Variants in BAD observed in about 807,000 individuals in gnomAD.
BAD encodes BCL2 associated agonist of cell death, also known as bcl2-associated agonist of cell death.
BAD carries 18 observed loss-of-function variants against 17.8 expected under a neutral mutation model. The ratio of observed to expected loss-of-function variants is 1.01; its 90% confidence interval spans 0.70 to 1.50. The LOEUF (loss-of-function observed/expected upper bound fraction) is 1.50, where lower values mean the gene tolerates loss of function less well. BAD is among the 40% of genes most tolerant of loss of function. The pLI, the probability that BAD is intolerant of heterozygous loss-of-function variation, is 0.00. For missense variants in BAD, 294 were observed against 239.3 expected, an observed-to-expected ratio of 1.23 and a Z score of -1.51; for synonymous variants, 112 against 91.5, an observed-to-expected ratio of 1.22 and a Z score of -1.28.
In BAD at chr11:64,277,054, G is replaced by A; in HGVS notation, c.188-5251C>T. On this transcript the variant is annotated intron_variant, in intron 2 of 3. Transcript: ENST00000309032. ...AATACGAAGTTCTCCCTGTTTTATA[G>A]ATGAGGAAACAGAGGCACACTTAAT... 4.2e-6 allele frequency: 3 copies of A among 709,600 alleles called. 1 individual carries two copies. Among genetic ancestry groups the A allele is most frequent in the Middle Eastern group, 4.6e-4 (2 of 4,336 alleles). 44.0% of individuals were successfully genotyped at this position (709,600 alleles called of 1,614,324 possible). A position where few individuals can be genotyped will look rare whatever the true frequency, so the allele number is the denominator to read the frequency against.
chr11:64,273,505 C>T (rs188874162), intron 2 of BAD, among the ~76,000 whole-genome samples: 3 of 152,254 alleles, frequency 2.0e-5, no homozygotes, highest in Admixed American at 1.3e-4. Flanking sequence ...CAACTCCTGC[C>T]AACTCCACTC....
intron 2 of BAD, among the ~76,000 whole-genome samples, chr11:64,280,777 C>T (rs1197383444): frequency 6.6e-6 from 1 of 151,610 alleles, no homozygotes; most frequent in African/African-American, 2.4e-5. Flanking sequence ...AAGTGATTCT[C>T]CTGCCTCAGC....
chr11:64,278,954 G>A (rs2033246938), intron 2 of BAD, among the ~76,000 whole-genome samples: 1 of 152,170 alleles, frequency 6.6e-6, no homozygotes, highest in African/African-American at 2.4e-5. Flanking sequence ...AAATCAAAAG[G>A]TTAAGAAATC....
rs1028432318 is a variant in BAD, at chr11:64,284,620, A to T, written c.-9+11T>A. On this transcript the variant is annotated intron_variant, in intron 1 of 3. Coordinates refer to ENST00000309032, the MANE Select transcript of BAD (RefSeq NM_032989.3). ...CCCGCCCCGCCCGTGGTGACGGCGC[A>T]CAGGTCTCACCCCAAGCCCGATCTC... The T allele has an allele frequency of 6.6e-7, 1 of 1,511,972 alleles. No homozygotes were observed. Among genetic ancestry groups the T allele is most frequent in the African/African-American group, 1.4e-5 (1 of 72,042 alleles). 93.7% of individuals were successfully genotyped at this position (1,511,972 alleles called of 1,614,324 possible). A position where few individuals can be genotyped will look rare whatever the true frequency, so the allele number is the denominator to read the frequency against.
At chr11:64,274,965 T>C (rs2032941828) in intron 2 of BAD, among the ~76,000 whole-genome samples, 3 of 121,352 alleles carry the variant, frequency 2.5e-5, no homozygotes, top group Admixed American at 2.1e-4. Flanking sequence ...AGTCTGGCAG[T>C]CTGGGAGACA....
At chr11:64,284,598 G>C in intron 1 of BAD, 33 bp downstream of exon 1, 1 of 1,498,830 alleles carries the variant, frequency 6.7e-7, no homozygotes. Flanking sequence ...CCCAGGCCCC[G>C]CCCCGCCCGT....
In BAD at chr11:64,269,867, G is replaced by A. The variant is rs1017895674; in HGVS notation, c.*342C>T. On this transcript the variant is annotated 3_prime_UTR_variant, in exon 4 of 4. Transcript: ENST00000309032. ...GCGGGCTTTATTAACATTTGGTAGT[G>A]AGCACGGCCCCCAGGGCATCGCGGG... 3 of 698,412 alleles carry A rather than the reference G, an allele frequency of 4.3e-6. No individual in the cohort carries two copies. In the African/African-American group the frequency reaches 5.2e-5, roughly 12 times the overall value. The allele number at this position is 698,412 out of a possible 1,614,324, so 43.3% of individuals were successfully genotyped here.
intron 2 of BAD, among the ~76,000 whole-genome samples, chr11:64,280,542 G>A (rs1254159359): frequency 3.4e-5 from 5 of 149,000 alleles, no homozygotes; most frequent in Non-Finnish European, 6.0e-5. Context: ...TAGTAGAGAC[G>A]GGGTTTCACC....
At position 64,279,598 on chromosome 11, in the gene BAD, T is replaced by A. The variant is rs1416124918; in HGVS notation, c.187+4584A>T. On this transcript the variant is annotated intron_variant, in intron 2 of 3. Transcript: ENST00000309032. The stretch of plus-strand genomic sequence containing the variant: ...TGGCCAACATGGTGAAACCCCCGTC[T>A]CCACTAAAAACACAAAAATTAGCTG... 4.0e-5 allele frequency among the ~76,000 whole-genome samples: 6 copies of A among 150,226 alleles called. No homozygotes were observed. In the East Asian group the frequency reaches 1.2e-3, roughly 30 times the overall value.
chr11:64,275,296 G>T (rs1390707668), intron 2 of BAD, among the ~76,000 whole-genome samples: 1 of 152,210 alleles, frequency 6.6e-6, no homozygotes, highest in Non-Finnish European at 1.5e-5. Flanking sequence ...GCCGGGAACA[G>T]AAGGGGCACT....
In BAD at chr11:64,269,887, C is replaced by CG; in HGVS notation, c.*321dup. The CG allele has an allele frequency of 1.4e-6, 1 of 698,956 alleles. No individual in the cohort carries two copies. Among genetic ancestry groups the CG allele is most frequent in the Non-Finnish European group, 2.6e-6 (1 of 384,600 alleles). 43.3% of individuals were successfully genotyped at this position (698,956 alleles called of 1,614,324 possible). On this transcript the variant is annotated 3_prime_UTR_variant, in exon 4 of 4. Transcript: ENST00000309032. Reference sequence around the variant, plus strand: ...GTAGTGAGCACGGCCCCCAGGGCATCGCGGGGGCTCGGGTCCCGGTGACGC... The same window carrying CG: ...GTAGTGAGCACGGCCCCCAGGGCATCGGCGGGGGCTCGGGTCCCGGTGACGC...
chr11:64,284,224 T>G lies in BAD; in HGVS notation c.145A>C (p.Ser49Arg). The change falls in exon 2 of 4, where the codon AGT (serine) becomes CGT (arginine). Residue 49 changes from serine to arginine, a missense_variant. Coordinates refer to ENST00000309032, the MANE Select transcript of BAD (RefSeq NM_032989.3). Reference sequence around the variant, plus strand: ...CTGGTTGGCTGCTCCTGCTGGTGACTGGCGTCCCACAGGAGGCCTGGGGCC... The same window carrying G: ...CTGGTTGGCTGCTCCTGCTGGTGACGGGCGTCCCACAGGAGGCCTGGGGCC... The part of the protein sequence containing the change: ...RQAPGLLWDA[S>R]HQQEQPTSSS... 2 of 1,605,704 alleles carry G rather than the reference T, an allele frequency of 1.2e-6. No individual in the cohort carries two copies. The highest frequency in any genetic ancestry group is 1.7e-6 in the Non-Finnish European group (2 of 1,176,074).
At chr11:64,277,203 G>A (rs750917209) in intron 2 of BAD, among the ~76,000 whole-genome samples, 10 of 152,138 alleles carry the variant, frequency 6.6e-5, no homozygotes, top group African/African-American at 9.7e-5. Flanking sequence ...ACCACATGCC[G>A]ACCACACACA....
Position 64,269,929 on chromosome 11 carries a change from T to C in BAD, c.*280A>G, listed in dbSNP as rs1259235020. ...CGGTGACGCAACGGTTAAACCTGGC[T>C]CGCGACTTAGCGCAGGCGCCTGGGG... On this transcript the variant is annotated 3_prime_UTR_variant, in exon 4 of 4. Transcript: ENST00000309032. The C allele has an allele frequency of 5.6e-6, 4 of 711,374 alleles. No homozygotes were observed. Among genetic ancestry groups the C allele is most frequent in the Admixed American group, 2.0e-5 (1 of 49,336 alleles). 44.1% of individuals were successfully genotyped at this position (711,374 alleles called of 1,614,324 possible). A position where few individuals can be genotyped will look rare whatever the true frequency, so the allele number is the denominator to read the frequency against.
intron 2 of BAD, among the ~76,000 whole-genome samples, chr11:64,274,783 T>A (rs1476577682): frequency 6.6e-6 from 1 of 151,318 alleles, no homozygotes; most frequent in Non-Finnish European, 1.5e-5. Flanking sequence ...ATTGCACCAC[T>A]GCACTCCAGC....
chr11:64,280,503 C>G (rs1218371014), intron 2 of BAD, among the ~76,000 whole-genome samples: 7 of 147,982 alleles, frequency 4.7e-5, no homozygotes, highest in Non-Finnish European at 1.0e-4. Context: ...AGGCACCCAC[C>G]ACCACGCCCG....
Position 64,284,276 on chromosome 11 carries a change from G to T in BAD, c.93C>A (p.Pro31=). The T allele has an allele frequency of 6.2e-7, 1 of 1,611,702 alleles. No individual in the cohort carries two copies. Among genetic ancestry groups the T allele is most frequent in the East Asian group, 2.2e-5 (1 of 44,868 alleles). ...GLGPSPAGDG[P]SGSGKHHRQA... ...GGCGATGATGCTTGCCGGAGCCTGA[G>T]GGCCCGTCCCCTGCGGGGCTGGGGC... The change falls in exon 2 of 4, where the codon CCC becomes CCA. Residue 31 remains proline, a synonymous_variant. Transcript: ENST00000309032.
intron 2 of BAD, chr11:64,276,777 G>A (rs1424800889): frequency 3.2e-6 from 2 of 621,280 alleles, no homozygotes; most frequent in East Asian, 5.6e-5. Context: ...TCCTCCTTGG[G>A]TGTGAACGTG....
intron 2 of BAD, among the ~76,000 whole-genome samples, chr11:64,279,004 CCT>C (rs1199277180): frequency 6.6e-6 from 1 of 152,172 alleles, no homozygotes; most frequent in Non-Finnish European, 1.5e-5. Context: ...CTCCCGCAGC[CCT>C]CTTTCCTACG....
Sources: gnomAD v4.1 joint callset for allele counts (sites outside exome capture counted in the v4.1 genomes callset) on GRCh38, gnomAD v4.1.1 for gene constraint, MANE v1.5 for transcripts, NCBI Gene and HGNC (gene_info 2026-07-23, HGNC 2026-07-21) for gene names.